The following CCDC138 variants were observed in gnomAD, a reference collection of about 807,000 sequenced individuals.
CCDC138 encodes the protein coiled-coil domain-containing protein 138.
A neutral mutation model predicts 82.3 loss-of-function variants in CCDC138; 66 were observed. That is an observed-to-expected ratio of 0.80 (90% CI 0.66 to 0.98). The LOEUF is 0.98. Ranked by LOEUF, CCDC138 falls within the 50% of genes least tolerant of loss-of-function variation. The pLI, the probability that CCDC138 is intolerant of heterozygous loss-of-function variation, is 0.00. For missense variants in CCDC138, 816 were observed against 758.9 expected, an observed-to-expected ratio of 1.08 and a Z score of -0.88; for synonymous variants, 297 against 265.4, an observed-to-expected ratio of 1.12 and a Z score of -1.16.
At position 108,788,719 on chromosome 2, in the gene CCDC138, CAAA is replaced by C; in HGVS notation, c.152-132_152-130del. The C allele has an allele frequency of 1.3e-5, 17 of 1,288,440 alleles. No individual in the cohort carries two copies. In the South Asian group the frequency reaches 2.7e-4, roughly 21 times the overall value. The allele number at this position is 1,288,440 out of a possible 1,614,324, so 79.8% of individuals were successfully genotyped here. On this transcript the variant is annotated intron_variant, in intron 2 of 14. Coordinates refer to ENST00000295124, the MANE Select transcript of CCDC138 (RefSeq NM_144978.3). ...TGGGTGACAGAGCGAGACTCCGTCT[CAAA>C]GAAAAAAAAAGAAAAAAAAATTTGA...
At chr2:108,824,837 C>T (rs1248966200) in intron 10 of CCDC138, among the ~76,000 whole-genome samples, 1 of 151,874 alleles carries the variant, frequency 6.6e-6, no homozygotes, top group Non-Finnish European at 1.5e-5. Flanking sequence ...ACAGCTACAA[C>T]ATCACTAAGT....
chr2:108,838,448 A>G (rs1344739834), intron 10 of CCDC138, among the ~76,000 whole-genome samples: 1 of 152,194 alleles, frequency 6.6e-6, no homozygotes, highest in Non-Finnish European at 1.5e-5. Flanking sequence ...TTTTACTCTT[A>G]TAAACAGTGT....
intron 13 of CCDC138, among the ~76,000 whole-genome samples, chr2:108,873,107 G>T (rs1695529940): frequency 6.6e-6 from 1 of 151,968 alleles, no homozygotes; most frequent in Non-Finnish European, 1.5e-5. Flanking sequence ...TACTTAAGCA[G>T]AATTTCTTGT....
chr2:108,811,241 C>CTT (rs1683785990), intron 7 of CCDC138, among the ~76,000 whole-genome samples: 1 of 46,820 alleles, frequency 2.1e-5, no homozygotes, highest in African/African-American at 7.4e-5. Context: ...CTTTCTTTCT[C>CTT]TCTCTCTTTT....
intron 10 of CCDC138, among the ~76,000 whole-genome samples, chr2:108,837,655 A>G (rs1688793024): frequency 1.3e-5 from 2 of 152,194 alleles, no homozygotes; most frequent in Admixed American, 1.3e-4. Flanking sequence ...CCAGTTACAT[A>G]AAAGAATAGC....
intron 7 of CCDC138, among the ~76,000 whole-genome samples, chr2:108,805,737 A>G (rs1208517667): frequency 6.6e-6 from 1 of 152,064 alleles, no homozygotes. Context: ...AAAAAAAAAA[A>G]TTGTAATTTA....
chr2:108,786,866 T>A lies in CCDC138; in HGVS notation c.44T>A (p.Val15Glu). 1 of 1,584,068 alleles carries A rather than the reference T, an allele frequency of 6.3e-7. No individual in the cohort carries two copies. The highest frequency in any genetic ancestry group is 8.6e-7 in the Non-Finnish European group (1 of 1,167,250). ...VVKPPGQDLV[V>E]ESLKSRYGLG... ...AAGCCACCGGGGCAGGATTTAGTAGTGGAGAGTCTCAAAAGCCGCTACGGA... is the reference window on the plus strand; with the variant it reads ...AAGCCACCGGGGCAGGATTTAGTAGAGGAGAGTCTCAAAAGCCGCTACGGA... The change falls in exon 1 of 15, where the codon GTG (valine) becomes GAG (glutamate). Residue 15 changes from valine to glutamate, a missense_variant. Transcript: ENST00000295124.
intron 5 of CCDC138, among the ~76,000 whole-genome samples, chr2:108,797,475 TGAG>T (rs1171356972): frequency 1.3e-5 from 2 of 152,144 alleles, no homozygotes; most frequent in Non-Finnish European, 1.5e-5. Flanking sequence ...TTAAGTGAGT[TGAG>T]GAGTGATTCT....
chr2:108,834,214 A>ATTTTTTTTTTTTCTTT (rs1558698540), intron 10 of CCDC138, among the ~76,000 whole-genome samples: 19 of 139,650 alleles, frequency 1.4e-4, no homozygotes, highest in African/African-American at 5.1e-4. Context: ...CATCTTTGAA[A>ATTTTTTTTTTTTCTTT]TTTTTTTTTT....
Position 108,815,968 on chromosome 2 carries a change from CT to C in CCDC138, c.1073del (p.Leu358Ter), listed in dbSNP as rs769547323. 2 of 1,612,556 alleles carry C rather than the reference CT, an allele frequency of 1.2e-6. No individual in the cohort carries two copies. The highest frequency in any genetic ancestry group is 1.7e-6 in the Non-Finnish European group (2 of 1,179,300). On this transcript the variant is annotated frameshift_variant, in exon 10 of 15. Transcript: ENST00000295124. LOFTEE classifies it high-confidence loss of function. Reference protein sequence around the residue: ...KVPLNGQVYELLTVFMDWISD... With the variant: ...KVPLNGQVYEXLTVFMDWISD... Reference sequence around the variant, plus strand: ...ACCACTTAATGGGCAAGTTTATGAACTTTTAACTGTCTTCATGGACTGGATT... The same window carrying C: ...ACCACTTAATGGGCAAGTTTATGAACTTTAACTGTCTTCATGGACTGGATT...
intron 9 of CCDC138, among the ~76,000 whole-genome samples, chr2:108,813,905 A>G (rs1356276769): frequency 2.0e-5 from 3 of 152,216 alleles, no homozygotes. Context: ...CAGCATAATT[A>G]TGAGTGTATC....
At chr2:108,855,875 A>G (rs1362448799) in intron 12 of CCDC138, among the ~76,000 whole-genome samples, 47 of 152,346 alleles carry the variant, frequency 3.1e-4, no homozygotes, top group South Asian at 1.2e-3. Context: ...TCAGTATTTC[A>G]TGGTGCTCTT....
chr2:108,819,415 C>T (rs1685293382), intron 10 of CCDC138, among the ~76,000 whole-genome samples: 1 of 152,192 alleles, frequency 6.6e-6, no homozygotes, highest in African/African-American at 2.4e-5. Context: ...TGGTCTGCAT[C>T]TCACCTCACT....
At chr2:108,871,659 T>C (rs139788190) in intron 13 of CCDC138, among the ~76,000 whole-genome samples, 1 of 152,300 alleles carries the variant, frequency 6.6e-6, no homozygotes, top group East Asian at 1.9e-4. Flanking sequence ...AAATTTACCA[T>C]TTTAACCATT....
chr2:108,868,060 A>T (rs770179019), intron 13 of CCDC138, among the ~76,000 whole-genome samples: 23 of 152,248 alleles, frequency 1.5e-4, no homozygotes, highest in Non-Finnish European at 3.2e-4. Context: ...GATGACTAAC[A>T]TGTGGACATA....
intron 2 of CCDC138, 98 bp from the exon 3 acceptor site, chr2:108,788,754 A>T (rs1357715174): frequency 6.8e-7 from 1 of 1,473,556 alleles, no homozygotes; most frequent in Non-Finnish European, 9.1e-7. Context: ...TTGAGAGAGA[A>T]GATTTTAAAA....
intron 14 of CCDC138, among the ~76,000 whole-genome samples, chr2:108,874,993 G>A (rs2105302860): frequency 6.6e-6 from 1 of 151,368 alleles, no homozygotes; most frequent in African/African-American, 2.4e-5. Flanking sequence ...TATTCATGAT[G>A]TGTTTGTAGC....
At chr2:108,855,424 T>C (rs530119710) in intron 12 of CCDC138, among the ~76,000 whole-genome samples, 3 of 152,142 alleles carry the variant, frequency 2.0e-5, no homozygotes, top group Admixed American at 6.5e-5. Flanking sequence ...GATAAAACTT[T>C]TGTTCCTATA....
At chr2:108,862,847 AG>A (rs1693850042) in intron 13 of CCDC138, among the ~76,000 whole-genome samples, 1 of 152,018 alleles carries the variant, frequency 6.6e-6, no homozygotes, top group Non-Finnish European at 1.5e-5. Flanking sequence ...GCATATTTGC[AG>A]GTAGGCTATG....
Sources: allele counts gnomAD v4.1 joint callset (sites outside exome capture counted in the v4.1 genomes callset), GRCh38; gene constraint gnomAD v4.1.1; transcripts MANE v1.5; gene names NCBI Gene and HGNC (gene_info 2026-07-23, HGNC 2026-07-21).